The following VDAC1 variants were observed in gnomAD, a reference collection of about 807,000 sequenced individuals.
The protein encoded by VDAC1 is voltage dependent anion channel 1.
Under a neutral mutation model 34.7 loss-of-function variants are expected in VDAC1, and 10 were observed. The ratio of observed to expected loss-of-function variants is 0.29; its 90% CI spans 0.18 to 0.49. The LOEUF (loss-of-function observed/expected upper bound fraction) is 0.49. Ranked by LOEUF, VDAC1 falls within the 20% of genes least tolerant of loss-of-function variation. The probability of loss-of-function intolerance (pLI) is 0.99; values close to 1 mark genes in which losing one functional copy is unlikely to be tolerated. For synonymous variants in VDAC1, 130 were observed against 136.0 expected (o/e 0.96, Z 0.30); for missense variants, 230 against 347.9 (o/e 0.66, Z 2.69).
chr5:134,012,787 G>GGATC, the VDAC1 span, among the ~76,000 whole-genome samples: 1 of 151,872 alleles, frequency 6.6e-6, no homozygotes, highest in African/African-American at 2.4e-5. Flanking sequence ...AATAACCAAA[G>GGATC]GATCCTAAGC....
At chr5:133,979,934 A>T (rs182670564) in intron 6 of VDAC1, among the ~76,000 whole-genome samples, 1 of 152,316 alleles carries the variant, frequency 6.6e-6, no homozygotes, top group East Asian at 1.9e-4. Flanking sequence ...GCTGTAACAG[A>T]TTCCAAATTA....
At chr5:134,103,419 G>A in the VDAC1 span, among the ~76,000 whole-genome samples, 4 of 152,268 alleles carry the variant, frequency 2.6e-5, no homozygotes, top group South Asian at 8.3e-4. Flanking sequence ...CACTGTGCCA[G>A]GCTGGTGTCA....
the VDAC1 span, among the ~76,000 whole-genome samples, chr5:134,067,480 G>C: frequency 1.8e-3 from 261 of 146,098 alleles, 1 homozygote; most frequent in African/African-American, 6.5e-3. Context: ...TATACTTTTA[G>C]TAGTTGTCTT....
chr5:134,106,130 C>A, the VDAC1 span, among the ~76,000 whole-genome samples: 1 of 152,218 alleles, frequency 6.6e-6, no homozygotes, highest in African/African-American at 2.4e-5. Flanking sequence ...TGAGTTTCAA[C>A]CTTTGCTCTG....
In VDAC1 at chr5:133,972,708, C is replaced by T; in HGVS notation, c.*63G>A. ...CAGACATACAACATTAAAAGATACA[C>T]TAAATTCTGAAGGTAGCTATGCTGC... is the stretch of plus-strand genomic sequence containing the variant. On this transcript the variant is annotated 3_prime_UTR_variant, in exon 9 of 9. Coordinates refer to ENST00000265333, the MANE Select transcript of VDAC1 (RefSeq NM_003374.3). 1 of 1,129,854 alleles carries T rather than the reference C, an allele frequency of 8.9e-7. No individual in the cohort carries two copies. Among genetic ancestry groups the T allele is most frequent in the African/African-American group, 1.5e-5 (1 of 64,566 alleles). The allele number at this position is 1,129,854 out of a possible 1,614,324, so 70.0% of individuals were successfully genotyped here.
intron 7 of VDAC1, among the ~76,000 whole-genome samples, chr5:133,975,557 T>C (rs901619582): frequency 6.6e-6 from 1 of 150,764 alleles, no homozygotes; most frequent in African/African-American, 2.4e-5. Flanking sequence ...GCCTCCCCGG[T>C]TCAAGCAATT....
chr5:134,012,159 A>G, the VDAC1 span, among the ~76,000 whole-genome samples: 4 of 152,212 alleles, frequency 2.6e-5, no homozygotes, highest in Non-Finnish European at 4.4e-5. Flanking sequence ...CAGGCAACCT[A>G]TAGAAGCTGA....
At chr5:134,091,273 C>A in the VDAC1 span, among the ~76,000 whole-genome samples, 3 of 152,190 alleles carry the variant, frequency 2.0e-5, no homozygotes, top group African/African-American at 7.2e-5. Context: ...TGCTCCCTGT[C>A]CCACCCACAT....
the VDAC1 span, among the ~76,000 whole-genome samples, chr5:134,036,888 G>T: frequency 1.1e-4 from 16 of 151,896 alleles, no homozygotes; most frequent in African/African-American, 3.9e-4. Flanking sequence ...AGGAGGTGGA[G>T]CTTGTAATGA....
the VDAC1 span, among the ~76,000 whole-genome samples, chr5:134,076,618 G>C: frequency 6.6e-6 from 1 of 152,172 alleles, no homozygotes; most frequent in Non-Finnish European, 1.5e-5. Flanking sequence ...TCCATACCCA[G>C]GCAGGCTCAT....
At chr5:134,113,908 C>T in the VDAC1 span, among the ~76,000 whole-genome samples, 1 of 152,210 alleles carries the variant, frequency 6.6e-6, no homozygotes, top group Non-Finnish European at 1.5e-5. Context: ...CCCGCGCCCA[C>T]GTGGCTGCCC....
the VDAC1 span, among the ~76,000 whole-genome samples, chr5:134,076,522 G>A: frequency 1.5e-4 from 23 of 152,300 alleles, no homozygotes; most frequent in East Asian, 4.4e-3. Flanking sequence ...AGTCTGTTTA[G>A]CTCACTGCTC....
Position 133,992,977 on chromosome 5 carries a change from T to G in VDAC1, c.36A>C (p.Lys12Asn). 6.2e-7 allele frequency: 1 copy of G among 1,613,622 alleles called. No homozygotes were observed. The highest frequency in any genetic ancestry group is 8.5e-7 in the Non-Finnish European group (1 of 1,179,702). Reference protein sequence around the residue: ...AVPPTYADLGKSARDVFTKGY... With the variant: ...AVPPTYADLGNSARDVFTKGY... ...CCTTGGTGAAGACATCCCTGGCAGATTTGCCAAGATCGGCATACGTGGGTG... is the reference window on the plus strand; with the variant it reads ...CCTTGGTGAAGACATCCCTGGCAGAGTTGCCAAGATCGGCATACGTGGGTG... Residue 12 changes from lysine to asparagine, a missense_variant, in exon 2 of 9, where the codon AAA becomes AAC. Lys to Asn is a moderately conservative substitution (Grantham distance 94). Coordinates refer to ENST00000265333, the MANE Select transcript of VDAC1 (RefSeq NM_003374.3).
At chr5:134,059,046 G>C in the VDAC1 span, among the ~76,000 whole-genome samples, 1 of 152,260 alleles carries the variant, frequency 6.6e-6, no homozygotes, top group Non-Finnish European at 1.5e-5. Context: ...GCACTGCCTA[G>C]ATTGTGGCTT....
the VDAC1 span, among the ~76,000 whole-genome samples, chr5:134,032,124 C>CAAAAAAAAAAAAAAAAA: frequency 2.8e-3 from 102 of 36,118 alleles, 13 homozygotes; most frequent in Middle Eastern, 0.015. Flanking sequence ...CTCTGCCTCA[C>CAAAAAAAAAAAAAAAAA]AAAAAAAAAA....
At chr5:134,002,889 C>A (rs1482522531) in intron 1 of VDAC1, among the ~76,000 whole-genome samples, 2 of 151,816 alleles carry the variant, frequency 1.3e-5, no homozygotes, top group Non-Finnish European at 2.9e-5. Context: ...TTGCCTGAAC[C>A]CAGGAAACAG....
chr5:134,001,300 A>C (rs868258539), intron 1 of VDAC1, among the ~76,000 whole-genome samples: 16 of 152,110 alleles, frequency 1.1e-4, no homozygotes, highest in Non-Finnish European at 1.6e-4. Context: ...GAAACACACT[A>C]TCTCTCTCCC....
At chr5:134,060,317 G>A in the VDAC1 span, among the ~76,000 whole-genome samples, 2 of 151,966 alleles carry the variant, frequency 1.3e-5, no homozygotes, top group African/African-American at 2.4e-5. Context: ...TCCAATGCAG[G>A]TGTCTGCATC....
chr5:133,977,036 T>G (rs1752508752), intron 6 of VDAC1, among the ~76,000 whole-genome samples: 1 of 152,054 alleles, frequency 6.6e-6, no homozygotes. Context: ...AGAGTGAGAC[T>G]CTGGCTCAAA....
Sources: allele counts gnomAD v4.1 joint callset (sites outside exome capture counted in the v4.1 genomes callset), GRCh38; gene constraint gnomAD v4.1.1; transcripts MANE v1.5; gene names NCBI Gene and HGNC (gene_info 2026-07-23, HGNC 2026-07-21).